OCA2: variants seen among roughly 807,000 people sequenced by gnomAD.
OCA2 encodes OCA2 melanosomal transmembrane protein.
In OCA2, 77 loss-of-function variants were observed where a neutral mutation model predicts 100.2. The observed-to-expected ratio is 0.77, with a 90% CI of 0.64 to 0.93. The LOEUF is 0.93. Among genes scored for constraint, OCA2 ranks in the 40% least tolerant of loss-of-function variants. The pLI, the probability that OCA2 is intolerant of heterozygous loss-of-function variation, is 0.00. For synonymous variants in OCA2, 432 were observed against 439.2 expected (o/e 0.98, Z 0.21); for missense variants, 1,062 against 1,089.1 (o/e 0.98, Z 0.35).
the OCA2 span, among the ~76,000 whole-genome samples, chr15:27,742,065 T>C: frequency 6.6e-6 from 1 of 152,230 alleles, no homozygotes; most frequent in East Asian, 1.9e-4. Flanking sequence ...GTATCTGAAC[T>C]GTGGCAGCTA....
chr15:27,956,426 C>A (rs1368968045), intron 16 of OCA2, among the ~76,000 whole-genome samples: 1 of 152,174 alleles, frequency 6.6e-6, no homozygotes, highest in African/African-American at 2.4e-5. Flanking sequence ...AACTGTGTGG[C>A]CTTGGGAAGC....
chr15:27,926,462 C>CT lies in OCA2; in HGVS notation c.1952-209_1952-208insA, dbSNP rs71414521. Among the ~76,000 whole-genome samples the CT allele has an allele frequency of 0.4, 61,272 of 151,908 alleles. 12,448 individuals carry two copies. Among genetic ancestry groups the CT allele is most frequent in the Middle Eastern group, 0.52 (154 of 294 alleles). On this transcript the variant is annotated intron_variant, in intron 18 of 23. Coordinates refer to ENST00000354638, the MANE Select transcript of OCA2 (RefSeq NM_000275.3). ...AAGATAATGAACATGCCCATTGACCCACAAGTTTATTCATGCCTATGTTCT... is the reference window on the plus strand; with the variant it reads ...AAGATAATGAACATGCCCATTGACCCTACAAGTTTATTCATGCCTATGTTCT...
chr15:27,803,015 T>A (rs1451532516), intron 23 of OCA2, among the ~76,000 whole-genome samples: 1 of 152,222 alleles, frequency 6.6e-6, no homozygotes, highest in African/African-American at 2.4e-5. Flanking sequence ...GTATCTATCT[T>A]ATAAAGGATT....
chr15:28,005,178 C>A (rs958757618), intron 9 of OCA2, among the ~76,000 whole-genome samples: 1 of 152,066 alleles, frequency 6.6e-6, no homozygotes, highest in Non-Finnish European at 1.5e-5. Context: ...GTCCTCAGCA[C>A]CCCCACTTCC....
chr15:27,816,585 G>A (rs952287705), intron 23 of OCA2, among the ~76,000 whole-genome samples: 1 of 151,978 alleles, frequency 6.6e-6, no homozygotes, highest in Non-Finnish European at 1.5e-5. Context: ...GCGTGACTTC[G>A]CAGGGAAGGT....
chr15:27,783,305 T>C (rs1269114353), intron 23 of OCA2, among the ~76,000 whole-genome samples: 2 of 152,184 alleles, frequency 1.3e-5, no homozygotes, highest in African/African-American at 4.8e-5. Context: ...AGAATGTGTT[T>C]CTCCACACCT....
At chr15:27,983,626 G>C in intron 13 of OCA2, 143 bp from the exon 14 acceptor site, 1 of 887,604 alleles carries the variant, frequency 1.1e-6, no homozygotes, top group Non-Finnish European at 1.8e-6. Flanking sequence ...GCAGTGCTGG[G>C]GGGAATGAAC....
chr15:27,924,775 A>C (rs1271468103), intron 19 of OCA2, among the ~76,000 whole-genome samples: 1 of 152,222 alleles, frequency 6.6e-6, no homozygotes, highest in African/African-American at 2.4e-5. Context: ...AAGATATGAG[A>C]TATAGTGAAA....
chr15:27,759,977 T>G (rs945443124), intron 23 of OCA2, among the ~76,000 whole-genome samples: 1 of 152,088 alleles, frequency 6.6e-6, no homozygotes, highest in African/African-American at 2.4e-5. Flanking sequence ...TCAACAAGTT[T>G]AAAAGAATTA....
rs570916602 is a variant in OCA2, at chr15:27,827,293, T to C, written c.2432+17666A>G. Among the ~76,000 whole-genome samples the C allele has an allele frequency of 1.7e-4, 26 of 152,204 alleles. No homozygotes were observed. The South Asian group carries it at 3.5e-3, about 21-fold the overall frequency. Reference sequence around the variant, plus strand: ...AGGACTGGGAAATCAACATCTGATTTAAATGAGGGAAACAAGCTGAACGGC... The same window carrying C: ...AGGACTGGGAAATCAACATCTGATTCAAATGAGGGAAACAAGCTGAACGGC... On this transcript the variant is annotated intron_variant, in intron 23 of 23. Coordinates refer to ENST00000354638, the MANE Select transcript of OCA2 (RefSeq NM_000275.3).
intron 19 of OCA2, among the ~76,000 whole-genome samples, chr15:27,883,626 G>A (rs558177047): frequency 5.9e-5 from 9 of 152,274 alleles, no homozygotes; most frequent in South Asian, 4.1e-4. Context: ...AGGAAAGGGC[G>A]CAGGGCTGCC....
intron 23 of OCA2, among the ~76,000 whole-genome samples, chr15:27,838,668 A>G (rs1209683859): frequency 6.6e-6 from 1 of 152,226 alleles, no homozygotes; most frequent in Non-Finnish European, 1.5e-5. Flanking sequence ...AATAACTTCA[A>G]ATGTAAGAGA....
chr15:27,774,277 C>T (rs966147726), intron 23 of OCA2, among the ~76,000 whole-genome samples: 2 of 152,222 alleles, frequency 1.3e-5, no homozygotes, highest in African/African-American at 2.4e-5. Flanking sequence ...CTGCTGCCCC[C>T]GCCTCTCTCT....
chr15:27,796,839 A>T (rs971852152), intron 23 of OCA2, among the ~76,000 whole-genome samples: 4 of 152,108 alleles, frequency 2.6e-5, no homozygotes, highest in Non-Finnish European at 5.9e-5. Flanking sequence ...TCCTCATCCA[A>T]GGTTTCTCCA....
At chr15:27,752,255 G>A (rs748247188), downstream of OCA2, among the ~76,000 whole-genome samples, 22 of 152,210 alleles carry the variant, frequency 1.4e-4, no homozygotes, top group Admixed American at 8.5e-4. Context: ...CTTTATGCAC[G>A]TGATGTCGGG....
chr15:27,768,319 A>G (rs1458851874), intron 23 of OCA2, among the ~76,000 whole-genome samples: 1 of 152,184 alleles, frequency 6.6e-6, no homozygotes, highest in East Asian at 1.9e-4. Context: ...GAGATATGCA[A>G]AATTATCAGG....
intron 18 of OCA2, among the ~76,000 whole-genome samples, chr15:27,949,175 A>C (rs560163393): frequency 6.6e-6 from 1 of 152,368 alleles, no homozygotes; most frequent in East Asian, 1.9e-4. Context: ...ATTTTGTTTC[A>C]CAATGCACAT....
the OCA2 span, among the ~76,000 whole-genome samples, chr15:27,725,787 G>A: frequency 2.6e-5 from 4 of 152,016 alleles, no homozygotes; most frequent in Admixed American, 6.6e-5. Context: ...GGTAGGCACT[G>A]TTTGTCTTTT....
chr15:27,734,364 G>A, the OCA2 span, among the ~76,000 whole-genome samples: 6 of 150,078 alleles, frequency 4.0e-5, no homozygotes, highest in Non-Finnish European at 8.8e-5. Context: ...GCATTGAAAA[G>A]GGTAGGAAGG....
Sources: allele counts gnomAD v4.1 joint callset (sites outside exome capture counted in the v4.1 genomes callset), GRCh38; gene constraint gnomAD v4.1.1; transcripts MANE v1.5; gene names NCBI Gene and HGNC (gene_info 2026-07-23, HGNC 2026-07-21).